SPATA31D1: variants seen among roughly 807,000 people sequenced by gnomAD.
The protein encoded by SPATA31D1 is spermatogenesis-associated protein 31D1.
In SPATA31D1, 6 loss-of-function variants were observed where a neutral mutation model predicts 13.2. The observed-to-expected ratio is 0.46, with a 90% confidence interval of 0.25 to 0.90. The LOEUF (loss-of-function observed/expected upper bound fraction) is 0.90, where lower values mean the gene tolerates loss of function less well. SPATA31D1 is among the 40% of genes least tolerant of loss of function. The pLI, the probability that SPATA31D1 is intolerant of heterozygous loss-of-function variation, is 0.18. For missense variants in SPATA31D1, 2,445 were observed against 1,884.7 expected, an observed-to-expected ratio of 1.30 and a Z score of -5.50; for synonymous variants, 903 against 718.8, an observed-to-expected ratio of 1.26 and a Z score of -4.10.
At position 81,993,013 on chromosome 9, in the gene SPATA31D1, G is replaced by C. The variant is rs759725073; in HGVS notation, c.2543G>C (p.Gly848Ala). ...FEEINEGRMP[G>A]TVHSSWHSVK... ...GAAATCAATGAGGGTCGAATGCCTG[G>C]GACTGTGCATAGTTCATGGCACTCA... is the stretch of plus-strand genomic sequence containing the variant. Residue 848 changes from glycine (G) to alanine (A), a missense_variant, in exon 4 of 4, where the codon GGG (glycine) becomes GCG (alanine). By Grantham distance (60) the Gly-to-Ala change is moderately conservative (BLOSUM62 0). Coordinates refer to ENST00000344803, the MANE Select transcript of SPATA31D1 (RefSeq NM_001001670.3). 1 of 1,613,732 alleles carries C rather than the reference G, an allele frequency of 6.2e-7. No individual in the cohort carries two copies. The highest frequency in any genetic ancestry group is 2.2e-5 in the East Asian group (1 of 44,862).
At chr9:81,989,939 G>C in intron 2 of SPATA31D1, 116 bp downstream of exon 2, 6 of 1,205,786 alleles carry the variant, frequency 5.0e-6, no homozygotes, top group Non-Finnish European at 7.0e-6. Context: ...TTAGAAAACA[G>C]AGCCCTCAGA....
At chr9:81,988,316 C>G (rs1004320959), upstream of SPATA31D1, among the ~76,000 whole-genome samples, 1 of 152,084 alleles carries the variant, frequency 6.6e-6, no homozygotes, top group Non-Finnish European at 1.5e-5. Flanking sequence ...CAAAACGAAG[C>G]AAGTATAAAG....
rs760439266 is a variant in SPATA31D1 at position 81,991,973 on chromosome 9, C to G, written c.1503C>G (p.Val501=). ...AAGACCATTTAGAGCAAAAATATGT[C>G]CAGCTCTTCTGGGGTCTCCCATCTT... ...CFEDHLEQKY[V]QLFWGLPSLH... The change falls in exon 4 of 4, where the codon GTC becomes GTG. Residue 501 remains valine, a synonymous_variant. Coordinates refer to ENST00000344803, the MANE Select transcript of SPATA31D1 (RefSeq NM_001001670.3). 15 of 1,613,662 alleles carry G rather than the reference C, an allele frequency of 9.3e-6. No homozygotes were observed. The African/African-American group carries it at 2.0e-4, about 22-fold the overall frequency.
Position 81,990,931 on chromosome 9 carries a change from C to T in SPATA31D1, c.461C>T (p.Pro154Leu). ...LSWESLKDAA[P>L]SVSPLASSAS... ...TGGGAGTCCCTGAAAGATGCTGCTC[C>T]CTCTGTGTCCCCTTTGGCTTCTTCG... Residue 154 changes from proline to leucine, a missense_variant, in exon 4 of 4, where the codon CCC becomes CTC. By Grantham distance (98) the Pro-to-Leu change is moderately conservative (BLOSUM62 -3). Transcript: ENST00000344803. 6.2e-7 allele frequency: 1 copy of T among 1,613,940 alleles called. No homozygotes were observed. The highest frequency in any genetic ancestry group is 8.5e-7 in the Non-Finnish European group (1 of 1,179,878).
Position 81,990,489 on chromosome 9 carries a change from G to T in SPATA31D1, c.302+3G>T. On this transcript the variant is annotated splice_donor_region_variant and intron_variant, in intron 3 of 3. Coordinates refer to ENST00000344803, the MANE Select transcript of SPATA31D1 (RefSeq NM_001001670.3). The stretch of plus-strand genomic sequence containing the variant: ...AAGCTGCTTTCTCTTCTGAAAAGGT[G>T]ATTAATCTTTCCCTTTGTGTCCTGT... 6.2e-7 allele frequency: 1 copy of T among 1,601,624 alleles called. No individual in the cohort carries two copies. Among genetic ancestry groups the T allele is most frequent in the Non-Finnish European group, 8.5e-7 (1 of 1,173,486 alleles).
In SPATA31D1 at chr9:81,995,020, C is replaced by A. The variant is rs1428732376; in HGVS notation, c.4550C>A (p.Ser1517Tyr). 2 of 1,613,966 alleles carry A rather than the reference C, an allele frequency of 1.2e-6. No homozygotes were observed. The highest frequency in any genetic ancestry group is 2.2e-5 in the South Asian group (2 of 91,076). The stretch of plus-strand genomic sequence containing the variant: ...ATACTGTGTCAAAGCCATCCCCAAT[C>A]CATGCCCCACAGGAAGCCTGTGCCA... Reference protein sequence around the residue: ...GKILCQSHPQSMPHRKPVPHP... With the variant: ...GKILCQSHPQYMPHRKPVPHP... The change falls in exon 4 of 4, where the codon TCC (serine) becomes TAC (tyrosine). Residue 1517 changes from serine to tyrosine, a missense_variant. Ser to Tyr is a moderately radical substitution (Grantham distance 144). Coordinates refer to ENST00000344803, the MANE Select transcript of SPATA31D1 (RefSeq NM_001001670.3).
At chr9:81,990,662 T>C in intron 3 of SPATA31D1, 111 bp from the exon 4 acceptor site, 1 of 1,402,426 alleles carries the variant, frequency 7.1e-7, no homozygotes, top group Non-Finnish European at 9.7e-7. Context: ...TAGGACCTCA[T>C]ATACGGTGAG....
chr9:81,994,396 C>G lies in SPATA31D1; in HGVS notation c.3926C>G (p.Ala1309Gly). 1 of 1,613,916 alleles carries G rather than the reference C, an allele frequency of 6.2e-7. No homozygotes were observed. The highest frequency in any genetic ancestry group is 8.5e-7 in the Non-Finnish European group (1 of 1,179,842). Residue 1309 changes from alanine to glycine, a missense_variant, in exon 4 of 4, where the codon GCA (alanine) becomes GGA (glycine). Ala to Gly is a moderately conservative substitution (Grantham distance 60). Transcript: ENST00000344803. ...GGAGGAGAGCTTGATGGAGGGGATG[C>G]AGGGCTGGGGACATCCCAACGCAGG... ...PKGGELDGGD[A>G]GLGTSQRRRK...
At position 81,993,550 on chromosome 9, in the gene SPATA31D1, G is replaced by A; in HGVS notation, c.3080G>A (p.Arg1027Lys). The stretch of plus-strand genomic sequence containing the variant: ...GACGGGGCCTCCACATCCCTTAGAA[G>A]AGGTACTACAGATTTTCAAAGCGAA... ...SKDGASTSLRRGTTDFQSEKL... is the reference protein window; with the variant it reads ...SKDGASTSLRKGTTDFQSEKL... The change falls in exon 4 of 4, where the codon AGA becomes AAA. Residue 1027 changes from arginine to lysine, a missense_variant. Physicochemically the swap from Arg to Lys is conservative, Grantham distance 26. Coordinates refer to ENST00000344803, the MANE Select transcript of SPATA31D1 (RefSeq NM_001001670.3). The A allele has an allele frequency of 3.1e-6, 5 of 1,613,824 alleles. No homozygotes were observed. The highest frequency in any genetic ancestry group is 4.2e-6 in the Non-Finnish European group (5 of 1,179,846).
Position 81,994,115 on chromosome 9 carries a change from T to G in SPATA31D1, c.3645T>G (p.His1215Gln). ...LSQLKLVQRK[H>Q]SQPQSHFTDM... is the part of the protein sequence containing the mutation. ...AGTTAAAGTTGGTCCAGAGGAAGCA[T>G]AGCCAACCTCAGAGCCATTTCACTG... Residue 1215 changes from histidine (H) to glutamine (Q), a missense_variant, in exon 4 of 4, where the codon CAT (histidine) becomes CAG (glutamine). His to Gln is a conservative substitution (Grantham distance 24, BLOSUM62 0). Coordinates refer to ENST00000344803, the MANE Select transcript of SPATA31D1 (RefSeq NM_001001670.3). The G allele has an allele frequency of 6.2e-7, 1 of 1,613,938 alleles. No homozygotes were observed. The highest frequency in any genetic ancestry group is 8.5e-7 in the Non-Finnish European group (1 of 1,179,860).
Position 81,991,101 on chromosome 9 carries a change from T to G in SPATA31D1, c.631T>G (p.Leu211Val), listed in dbSNP as rs1388264669. The G allele has an allele frequency of 6.2e-7, 1 of 1,613,544 alleles. No individual in the cohort carries two copies. Among genetic ancestry groups the G allele is most frequent in the East Asian group, 2.2e-5 (1 of 44,864 alleles). Residue 211 changes from leucine (L) to valine (V), a missense_variant, in exon 4 of 4, where the codon TTA (leucine) becomes GTA (valine). Transcript: ENST00000344803. The stretch of plus-strand genomic sequence containing the variant: ...TGACCTGATCACCACCTTAGCTGAC[T>G]TATTTTCACCCTCACCACTGAGGGA... ...SPDLITTLAD[L>V]FSPSPLRDPL... is the part of the protein sequence containing the mutation.
chr9:81,990,745 C>T (rs551539865), intron 3 of SPATA31D1, 28 bp from the exon 4 acceptor site: 1 of 1,578,090 alleles, frequency 6.3e-7, no homozygotes, highest in Admixed American at 1.8e-5. Flanking sequence ...TAACAAATCT[C>T]CTTTCCTTGT....
At position 81,988,919 on chromosome 9, in the gene SPATA31D1, G is replaced by A. The variant is rs780352940; in HGVS notation, c.101G>A (p.Gly34Glu). The A allele has an allele frequency of 1.9e-6, 3 of 1,612,422 alleles. No homozygotes were observed. Among genetic ancestry groups the A allele is most frequent in the Non-Finnish European group, 1.7e-6 (2 of 1,179,700 alleles). Residue 34 changes from glycine (G) to glutamate (E), a missense_variant, in exon 1 of 4, where the codon GGG becomes GAG. Coordinates refer to ENST00000344803, the MANE Select transcript of SPATA31D1 (RefSeq NM_001001670.3). ...DIDPNFICLS[G>E]LGLFILYLFY... ...GACCCCAACTTCATCTGCTTGAGTG[G>A]GTTGGGGTTGTTTATACTGTACTTG...
Position 81,988,875 on chromosome 9 carries a change from C to T in SPATA31D1, c.57C>T (p.Asp19=). 6.2e-7 allele frequency: 1 copy of T among 1,612,982 alleles called. No individual in the cohort carries two copies. The highest frequency in any genetic ancestry group is 8.5e-7 in the Non-Finnish European group (1 of 1,179,718). The change falls in exon 1 of 4, where the codon GAC becomes GAT. Residue 19 remains aspartate (D), a synonymous_variant. Coordinates refer to ENST00000344803, the MANE Select transcript of SPATA31D1 (RefSeq NM_001001670.3). Reference sequence around the variant, plus strand: ...ATACTGAGACAGGGCTGAGCCCTGACTCACATTGGTTGGATATCGACCCCA... The same window carrying T: ...ATACTGAGACAGGGCTGAGCCCTGATTCACATTGGTTGGATATCGACCCCA... ...NSYTETGLSP[D]SHWLDIDPNF...
In SPATA31D1 at chr9:81,990,444, G is replaced by T; in HGVS notation, c.260G>T (p.Arg87Ile). Residue 87 changes from arginine to isoleucine, a missense_variant, in exon 3 of 4, where the codon AGA becomes ATA. Transcript: ENST00000344803. ...KGFPDWKSFQ[R>I]EEEEERKLLS... Reference sequence around the variant, plus strand: ...TTCCCAGACTGGAAAAGTTTCCAGAGAGAAGAGGAAGAGGAAAGGAAGCTG... The same window carrying T: ...TTCCCAGACTGGAAAAGTTTCCAGATAGAAGAGGAAGAGGAAAGGAAGCTG... 6.2e-7 allele frequency: 1 copy of T among 1,609,034 alleles called. No individual in the cohort carries two copies. Among genetic ancestry groups the T allele is most frequent in the Non-Finnish European group, 8.5e-7 (1 of 1,177,580 alleles).
Position 81,994,774 on chromosome 9 carries a change from C to T in SPATA31D1, c.4304C>T (p.Pro1435Leu). The change falls in exon 4 of 4, where the codon CCA becomes CTA. Residue 1435 changes from proline (P) to leucine (L), a missense_variant. By Grantham distance (98) the Pro-to-Leu change is moderately conservative (BLOSUM62 -3). Coordinates refer to ENST00000344803, the MANE Select transcript of SPATA31D1 (RefSeq NM_001001670.3). ...TGTCCCCAAGAGCCCCTTTCCTTCC[C>T]AGTGGGGCTTGGGAAAGCTCAGCAC... ...ITCPQEPLSF[P>L]VGLGKAQHNP... 2 of 1,613,926 alleles carry T rather than the reference C, an allele frequency of 1.2e-6. No homozygotes were observed. Among genetic ancestry groups the T allele is most frequent in the Non-Finnish European group, 1.7e-6 (2 of 1,179,866 alleles).
At position 81,991,970 on chromosome 9, in the gene SPATA31D1, T is replaced by C. The variant is rs774468320; in HGVS notation, c.1500T>C (p.Tyr500=). 6.2e-7 allele frequency: 1 copy of C among 1,613,792 alleles called. No individual in the cohort carries two copies. The highest frequency in any genetic ancestry group is 1.1e-5 in the South Asian group (1 of 91,072). Residue 500 remains tyrosine (Y), a synonymous_variant, in exon 4 of 4, where the codon TAT becomes TAC. Transcript: ENST00000344803. ...KCFEDHLEQK[Y]VQLFWGLPSL... is the part of the protein sequence containing the mutation. ...TTGAAGACCATTTAGAGCAAAAATA[T>C]GTCCAGCTCTTCTGGGGTCTCCCAT... is the stretch of plus-strand genomic sequence containing the variant.
chr9:81,993,706 TC>T lies in SPATA31D1; in HGVS notation c.3238del (p.Arg1080GlyfsTer18). 1 of 1,613,950 alleles carries T rather than the reference TC, an allele frequency of 6.2e-7. No homozygotes were observed. Among genetic ancestry groups the T allele is most frequent in the Non-Finnish European group, 8.5e-7 (1 of 1,179,896 alleles). ...ACTGACAATGATCTTACAGAAAGTG[TC>T]CGGACAACAGAGGATGGCAGACAGA... ...SDTDNDLTES[V>X]RTTEDGRQTF... On this transcript the variant is annotated frameshift_variant, in exon 4 of 4. Transcript: ENST00000344803. LOFTEE classifies it low-confidence loss of function (END_TRUNC).
Position 81,992,350 on chromosome 9 carries a change from A to G in SPATA31D1, c.1880A>G (p.Asn627Ser). The stretch of plus-strand genomic sequence containing the variant: ...TCTGAAATTAACCATCTGGAGTGGA[A>G]CGTGTTGCAGAAAGTGCAGGAAAGT... ...LPSEINHLEW[N>S]VLQKVQESLW... Residue 627 changes from asparagine to serine, a missense_variant, in exon 4 of 4, where the codon AAC becomes AGC. Coordinates refer to ENST00000344803, the MANE Select transcript of SPATA31D1 (RefSeq NM_001001670.3). 1 of 1,613,822 alleles carries G rather than the reference A, an allele frequency of 6.2e-7. No individual in the cohort carries two copies. The highest frequency in any genetic ancestry group is 8.5e-7 in the Non-Finnish European group (1 of 1,179,736).
Sources: allele counts gnomAD v4.1 joint callset (sites outside exome capture counted in the v4.1 genomes callset), GRCh38; gene constraint gnomAD v4.1.1; transcripts MANE v1.5; gene names NCBI Gene and HGNC (gene_info 2026-07-23, HGNC 2026-07-21).